Variants in RUFY3 observed in about 807,000 individuals in gnomAD.
RUFY3 encodes the protein RUN and FYVE domain containing 3.
RUFY3 carries 34 observed loss-of-function variants against 84.0 expected under a neutral mutation model. The observed-to-expected ratio is 0.40, with a 90% CI of 0.31 to 0.54. The LOEUF (loss-of-function observed/expected upper bound fraction) is 0.54. RUFY3 is among the 20% of genes least tolerant of loss of function. RUFY3 has a pLI of 0.39. For synonymous variants in RUFY3, 242 were observed against 252.9 expected, an observed-to-expected ratio of 0.96 and a Z score of 0.41; for missense variants, 507 against 736.8, an observed-to-expected ratio of 0.69 and a Z score of 3.61.
chr4:70,740,521 A>G (rs1410856647), intron 1 of RUFY3, among the ~76,000 whole-genome samples: 3 of 152,208 alleles, frequency 2.0e-5, no homozygotes, highest in Admixed American at 6.5e-5. Flanking sequence ...TGACAAATAG[A>G]GTTTCTAATT....
chr4:70,792,307 G>A, intron 12 of RUFY3: 1 of 977,778 alleles, frequency 1.0e-6, no homozygotes, highest in Non-Finnish European at 1.2e-6. Context: ...AAAGGTTCTG[G>A]GAAGCTAATA....
At chr4:70,794,968 C>A in intron 14 of RUFY3, 74 bp downstream of exon 14, 2 of 984,508 alleles carry the variant, frequency 2.0e-6, no homozygotes, top group Non-Finnish European at 1.6e-6. Flanking sequence ...ATAGTCCTGT[C>A]AGTTTTCCTT....
intron 1 of RUFY3, among the ~76,000 whole-genome samples, chr4:70,732,001 C>T (rs1158377877): frequency 6.6e-6 from 1 of 152,202 alleles, no homozygotes; most frequent in Non-Finnish European, 1.5e-5. Flanking sequence ...TTTTTTCAAA[C>T]TCCTTTTCAA....
At chr4:70,717,457 G>C (rs771760953), upstream of RUFY3, among the ~76,000 whole-genome samples, 7 of 152,136 alleles carry the variant, frequency 4.6e-5, no homozygotes, top group Non-Finnish European at 8.8e-5. Flanking sequence ...AAGTTGGGGG[G>C]CCTAGAGGAA....
chr4:70,709,660 C>T (rs146845817), intron 1 of RUFY3, among the ~76,000 whole-genome samples: 17 of 152,302 alleles, frequency 1.1e-4, no homozygotes, highest in South Asian at 2.1e-4. Flanking sequence ...CGTTAGAGAT[C>T]GTCTTGTGAA....
At chr4:70,734,682 C>A in intron 1 of RUFY3, 2 of 412,598 alleles carry the variant, frequency 4.8e-6, no homozygotes, top group Non-Finnish European at 6.5e-6. Flanking sequence ...TATGCCAGTT[C>A]CTATCTAAAC....
At chr4:70,736,919 GGTT>G (rs1434070701) in intron 1 of RUFY3, among the ~76,000 whole-genome samples, 1 of 152,036 alleles carries the variant, frequency 6.6e-6, no homozygotes, top group Non-Finnish European at 1.5e-5. Context: ...CAGGCATTTA[GGTT>G]GTTTCTAAAT....
At chr4:70,787,158 C>T (rs566225096) in intron 10 of RUFY3, among the ~76,000 whole-genome samples, 4 of 102,768 alleles carry the variant, frequency 3.9e-5, no homozygotes, top group Non-Finnish European at 6.9e-5. Flanking sequence ...CAAAGTGAGA[C>T]CCTGTCTCAG....
chr4:70,779,597 T>C (rs1728561263), intron 8 of RUFY3, among the ~76,000 whole-genome samples: 1 of 151,264 alleles, frequency 6.6e-6, no homozygotes, highest in Admixed American at 6.6e-5. Flanking sequence ...TTTTTTTTTT[T>C]TTTTCTGAGA....
chr4:70,727,728 G>A (rs949990839), intron 1 of RUFY3, among the ~76,000 whole-genome samples: 9 of 150,246 alleles, frequency 6.0e-5, no homozygotes, highest in South Asian at 2.1e-4. Context: ...CAGGGGTTGC[G>A]GTGAGCCGAG....
At chr4:70,734,356 C>T (rs1399790725) in intron 1 of RUFY3, 1 of 979,984 alleles carries the variant, frequency 1.0e-6, no homozygotes, top group Non-Finnish European at 1.2e-6. Context: ...GTAATTGGCC[C>T]TTGGTGAGAT....
At position 70,722,220 on chromosome 4, in the gene RUFY3, A is replaced by G; in HGVS notation, c.-354A>G. 1 of 1,230,152 alleles carries G rather than the reference A, an allele frequency of 8.1e-7. No individual in the cohort carries two copies. 76.2% of individuals were successfully genotyped at this position (1,230,152 alleles called of 1,614,324 possible). A position where few individuals can be genotyped will look rare whatever the true frequency, so the allele number is the denominator to read the frequency against. On this transcript the variant is annotated 5_prime_UTR_variant, in exon 1 of 18. Transcript: ENST00000381006. ...GATTTTTAAAGCCAGCTAAGGCAGC[A>G]TCAGCTGTGCGGGATTTAAAGCCTA...
intron 1 of RUFY3, among the ~76,000 whole-genome samples, chr4:70,741,103 CTTTATT>C (rs1424314581): frequency 6.6e-6 from 1 of 150,378 alleles, no homozygotes; most frequent in Non-Finnish European, 1.5e-5. Flanking sequence ...AAGTAGCCTC[CTTTATT>C]TTTGTTTTGG....
chr4:70,802,369 G>A (rs1033353436), intron 15 of RUFY3, among the ~76,000 whole-genome samples: 35 of 152,248 alleles, frequency 2.3e-4, no homozygotes, highest in Middle Eastern at 3.4e-3. Context: ...AACCGAGAGC[G>A]GGCTTTGCTT....
intron 1 of RUFY3, among the ~76,000 whole-genome samples, chr4:70,728,297 C>T (rs910188915): frequency 2.0e-5 from 3 of 152,210 alleles, no homozygotes; most frequent in African/African-American, 4.8e-5. Flanking sequence ...TGTGGCTGAT[C>T]GTGTGGCTGA....
At chr4:70,728,625 A>G (rs550028644) in intron 1 of RUFY3, among the ~76,000 whole-genome samples, 2 of 152,336 alleles carry the variant, frequency 1.3e-5, no homozygotes, top group East Asian at 3.9e-4. Flanking sequence ...TTTTTAAAAT[A>G]TAATTTGTGA....
chr4:70,718,432 G>A (rs1741884984), upstream of RUFY3, among the ~76,000 whole-genome samples: 1 of 152,122 alleles, frequency 6.6e-6, no homozygotes, highest in Non-Finnish European at 1.5e-5. Flanking sequence ...CTAGAACGTA[G>A]TATTTTTTGG....
At chr4:70,734,668 C>A in intron 1 of RUFY3, 1 of 560,568 alleles carries the variant, frequency 1.8e-6, no homozygotes, top group Non-Finnish European at 2.3e-6. Context: ...TAGCTCTGTA[C>A]TTGTATGCCA....
chr4:70,732,727 G>C lies in RUFY3; in HGVS notation c.178+9976G>C, dbSNP rs116693019. On this transcript the variant is annotated intron_variant, in intron 1 of 17. Coordinates refer to ENST00000381006, the MANE Select transcript of RUFY3 (RefSeq NM_001037442.4). ...AACAATGAGAACACATGGATACAGGGAAGGGAACATCACACACTGGGGACC... is the reference window on the plus strand; with the variant it reads ...AACAATGAGAACACATGGATACAGGCAAGGGAACATCACACACTGGGGACC... 4.3e-3 allele frequency among the ~76,000 whole-genome samples: 641 copies of C among 149,884 alleles called. 3 individuals are homozygous for C. The highest frequency in any genetic ancestry group is 5.5e-3 in the Non-Finnish European group (370 of 67,426).
Sources: gnomAD v4.1 joint callset for allele counts (sites outside exome capture counted in the v4.1 genomes callset) on GRCh38, gnomAD v4.1.1 for gene constraint, MANE v1.5 for transcripts, NCBI Gene and HGNC (gene_info 2026-07-23, HGNC 2026-07-21) for gene names.